Variants in LRP1B observed in about 807,000 individuals in gnomAD.
LRP1B encodes LDL receptor related protein 1B.
A neutral mutation model predicts 556.6 loss-of-function variants in LRP1B; 217 were observed. The observed-to-expected ratio is 0.39, with a 90% CI of 0.35 to 0.44. The LOEUF is 0.44. Ranked by LOEUF, LRP1B falls within the 20% of genes least tolerant of loss-of-function variation. The probability of loss-of-function intolerance (pLI) is 1.00; values close to 1 mark genes in which losing one functional copy is unlikely to be tolerated. For missense variants in LRP1B, 5,053 were observed against 5,620.8 expected (o/e 0.90, Z 3.23); for synonymous variants, 2,047 against 1,865.8 (o/e 1.10, Z -2.50).
intron 17 of LRP1B, among the ~76,000 whole-genome samples, chr2:140,988,561 A>G (rs934159106): frequency 2.0e-5 from 3 of 152,096 alleles, no homozygotes; most frequent in African/African-American, 7.2e-5. Context: ...CGTGCTGGAA[A>G]AAAAAGCTCA....
At chr2:140,532,975 T>C (rs1166781164) in intron 47 of LRP1B, among the ~76,000 whole-genome samples, 3 of 149,502 alleles carry the variant, frequency 2.0e-5, no homozygotes, top group Admixed American at 2.0e-4. Context: ...TCTGTTTACA[T>C]GGCTGTCTTA....
intron 1 of LRP1B, among the ~76,000 whole-genome samples, chr2:142,042,993 T>C (rs919854894): frequency 2.0e-5 from 3 of 151,582 alleles, no homozygotes; most frequent in South Asian, 4.1e-4. Context: ...TTATTACTTA[T>C]CATTTTTAGT....
At chr2:141,464,722 G>T (rs1388901905) in intron 3 of LRP1B, among the ~76,000 whole-genome samples, 1 of 150,814 alleles carries the variant, frequency 6.6e-6, no homozygotes, top group Non-Finnish European at 1.5e-5. Flanking sequence ...ACGAGCCCCT[G>T]CGCCCGTCCC....
chr2:141,982,970 T>G (rs998734106), intron 1 of LRP1B, among the ~76,000 whole-genome samples: 1 of 152,198 alleles, frequency 6.6e-6, no homozygotes, highest in Non-Finnish European at 1.5e-5. Context: ...ATGACTAATT[T>G]CATTCACATT....
At chr2:141,032,182 T>C (rs1167132574) in intron 11 of LRP1B, among the ~76,000 whole-genome samples, 1 of 152,094 alleles carries the variant, frequency 6.6e-6, no homozygotes, top group Non-Finnish European at 1.5e-5. Flanking sequence ...TTTGTCTATT[T>C]ATGGGTTTTG....
intron 3 of LRP1B, among the ~76,000 whole-genome samples, chr2:141,476,517 T>C (rs946042870): frequency 2.0e-5 from 3 of 152,184 alleles, no homozygotes; most frequent in Non-Finnish European, 4.4e-5. Flanking sequence ...AAGTTTTTAC[T>C]GTAAAACTTT....
At chr2:140,642,822 C>T (rs149588244) in intron 41 of LRP1B, among the ~76,000 whole-genome samples, 4,441 of 152,060 alleles carry the variant, frequency 0.029, 100 homozygotes, top group South Asian at 0.049. Flanking sequence ...CCAGCCTGGG[C>T]GACAGAGCGA....
intron 20 of LRP1B, among the ~76,000 whole-genome samples, chr2:140,929,323 C>T (rs942865686): frequency 6.6e-6 from 1 of 152,058 alleles, no homozygotes; most frequent in African/African-American, 2.4e-5. Context: ...GGATTTCATA[C>T]TAGGCATTTC....
Position 140,838,387 on chromosome 2 carries a change from A to G in LRP1B, c.5209+1604T>C, listed in dbSNP as rs372606957. Among the ~76,000 whole-genome samples the G allele has an allele frequency of 4.7e-4, 72 of 152,226 alleles. No individual in the cohort carries two copies. In the South Asian group the frequency reaches 8.9e-3, roughly 19 times the overall value. ...GTATTAGCGTTTCAATTTGCCTTTA[A>G]TTTCTAATACAACCCTGACTTTCAA... is the stretch of plus-strand genomic sequence containing the variant. On this transcript the variant is annotated intron_variant, in intron 31 of 90. Coordinates refer to ENST00000389484, the MANE Select transcript of LRP1B (RefSeq NM_018557.3).
At chr2:140,506,127 A>T (rs1235079450) in intron 53 of LRP1B, among the ~76,000 whole-genome samples, 2 of 149,918 alleles carry the variant, frequency 1.3e-5, no homozygotes, top group African/African-American at 4.9e-5. Flanking sequence ...TGTTTTTTTT[A>T]CTCAAATATT....
intron 32 of LRP1B, among the ~76,000 whole-genome samples, chr2:140,812,619 C>A (rs1252761773): frequency 6.6e-6 from 1 of 150,464 alleles, no homozygotes; most frequent in African/African-American, 2.4e-5. Flanking sequence ...CAAAAAAAAA[C>A]CTCACAAACC....
intron 18 of LRP1B, among the ~76,000 whole-genome samples, chr2:140,970,334 A>G (rs1044447092): frequency 6.6e-6 from 1 of 152,104 alleles, no homozygotes; most frequent in Non-Finnish European, 1.5e-5. Context: ...ACACTTGTGC[A>G]TTTGTCATGT....
intron 2 of LRP1B, among the ~76,000 whole-genome samples, chr2:141,525,296 A>C (rs1684660857): frequency 6.6e-6 from 1 of 152,126 alleles, no homozygotes; most frequent in Non-Finnish European, 1.5e-5. Flanking sequence ...AGGAAACCTT[A>C]GTTATTGTCA....
chr2:141,841,964 GAGTA>G (rs1370238435), intron 1 of LRP1B, among the ~76,000 whole-genome samples: 1 of 152,088 alleles, frequency 6.6e-6, no homozygotes, highest in Non-Finnish European at 1.5e-5. Flanking sequence ...TTACAAGCTA[GAGTA>G]AGTATTAAAG....
intron 31 of LRP1B, among the ~76,000 whole-genome samples, chr2:140,833,426 A>G (rs1691787033): frequency 6.6e-6 from 1 of 152,184 alleles, no homozygotes; most frequent in Admixed American, 6.5e-5. Flanking sequence ...TCACTGATTC[A>G]CCAAAAATTG....
intron 1 of LRP1B, 73 bp downstream of exon 1, chr2:142,130,575 C>T (rs1707814115): frequency 7.7e-7 from 1 of 1,304,248 alleles, no homozygotes; most frequent in African/African-American, 1.5e-5. Flanking sequence ...TTCACACTCA[C>T]TTATCTGCAA....
intron 1 of LRP1B, among the ~76,000 whole-genome samples, chr2:141,832,079 C>G (rs535534387): frequency 1.3e-5 from 2 of 151,736 alleles, no homozygotes; most frequent in East Asian, 3.9e-4. Flanking sequence ...ATATGTCTTT[C>G]TAGTCTTGAC....
intron 2 of LRP1B, among the ~76,000 whole-genome samples, chr2:141,769,670 A>G (rs1048600690): frequency 6.6e-6 from 1 of 152,204 alleles, no homozygotes; most frequent in Non-Finnish European, 1.5e-5. Context: ...GTCAACTTCT[A>G]CACCGAATCT....
intron 3 of LRP1B, among the ~76,000 whole-genome samples, chr2:141,435,704 T>C (rs571317971): frequency 6.6e-6 from 1 of 152,306 alleles, no homozygotes; most frequent in South Asian, 2.1e-4. Flanking sequence ...GCCTGTCTCA[T>C]TGTGGCACTT....
Sources: allele counts gnomAD v4.1 joint callset (sites outside exome capture counted in the v4.1 genomes callset), GRCh38; gene constraint gnomAD v4.1.1; transcripts MANE v1.5; gene names NCBI Gene and HGNC (gene_info 2026-07-23, HGNC 2026-07-21).